Variants in SP140L observed in about 807,000 individuals in gnomAD.
SP140L encodes nuclear body protein SP140-like protein.
A neutral mutation model predicts 84.3 loss-of-function variants in SP140L; 64 were observed. That is an observed-to-expected ratio of 0.76 (90% CI 0.62 to 0.94). The LOEUF (loss-of-function observed/expected upper bound fraction) is 0.94, where lower values mean the gene tolerates loss of function less well. Ranked by LOEUF, SP140L falls within the 40% of genes least tolerant of loss-of-function variation. The pLI, the probability that SP140L is intolerant of heterozygous loss-of-function variation, is 0.00. For missense variants in SP140L, 628 were observed against 692.5 expected (o/e 0.91, Z 1.05); for synonymous variants, 242 against 236.9 (o/e 1.02, Z -0.20).
At chr2:230,348,992 A>G (rs1303200179) in intron 2 of SP140L, among the ~76,000 whole-genome samples, 1 of 152,250 alleles carries the variant, frequency 6.6e-6, no homozygotes, top group African/African-American at 2.4e-5. Flanking sequence ...CACAGGATGC[A>G]TGCTCATGAA....
At position 230,371,533 on chromosome 2, in the gene SP140L, G is replaced by A. The variant is rs983015002; in HGVS notation, c.584-65G>A. 2.3e-5 allele frequency: 31 copies of A among 1,341,620 alleles called. No homozygotes were observed. The African/African-American group carries it at 4.5e-4, about 19-fold the overall frequency. The allele number at this position is 1,341,620 out of a possible 1,614,324, so 83.1% of individuals were successfully genotyped here. A position where few individuals can be genotyped will look rare whatever the true frequency, so the allele number is the denominator to read the frequency against. ...ACTCAAGCCTTCTATAGTATGAATT[G>A]TCCTAAAATCTATAACTTTTATTTA... On this transcript the variant is annotated intron_variant, in intron 6 of 18. Coordinates refer to ENST00000415673, the MANE Select transcript of SP140L (RefSeq NM_138402.6).
chr2:230,386,136 G>A (rs1033252711), intron 9 of SP140L, among the ~76,000 whole-genome samples: 5 of 152,204 alleles, frequency 3.3e-5, no homozygotes, highest in Non-Finnish European at 4.4e-5. Flanking sequence ...TACAACCTGG[G>A]TGTGAGTGAA....
intron 13 of SP140L, among the ~76,000 whole-genome samples, chr2:230,395,237 A>G (rs1355585533): frequency 6.6e-6 from 1 of 152,194 alleles, no homozygotes; most frequent in Non-Finnish European, 1.5e-5. Context: ...ACATATACTT[A>G]TCAAGCATAT....
intron 2 of SP140L, among the ~76,000 whole-genome samples, chr2:230,355,654 A>C (rs1401976059): frequency 6.6e-6 from 1 of 152,218 alleles, no homozygotes; most frequent in South Asian, 2.1e-4. Context: ...ACACAAAATC[A>C]TATCAGCATA....
intron 4 of SP140L, among the ~76,000 whole-genome samples, chr2:230,360,942 T>C (rs1161959539): frequency 6.6e-6 from 1 of 152,146 alleles, no homozygotes; most frequent in African/African-American, 2.4e-5. Context: ...TCTCTTTTAG[T>C]TTTTATTTAG....
At chr2:230,372,528 A>G (rs1467061378) in intron 7 of SP140L, 1 of 152,086 alleles carries the variant, frequency 6.6e-6, no homozygotes, top group Non-Finnish European at 1.5e-5. Flanking sequence ...GATCGAGACC[A>G]TCTTGGCTAA....
chr2:230,397,959 C>T (rs888078994), intron 14 of SP140L, among the ~76,000 whole-genome samples: 8 of 152,128 alleles, frequency 5.3e-5, no homozygotes, highest in Admixed American at 6.6e-5. Flanking sequence ...GGTATGGTCA[C>T]CCCTATTAAT....
chr2:230,400,262 C>A lies in SP140L; in HGVS notation c.1313+20C>A. ...TGAGAAGTAAGTGACATGCAGGCACCTCTCTTTCATCCTTTAAGGGACCTT... is the reference window on the plus strand; with the variant it reads ...TGAGAAGTAAGTGACATGCAGGCACATCTCTTTCATCCTTTAAGGGACCTT... On this transcript the variant is annotated intron_variant, in intron 15 of 18. Transcript: ENST00000415673. The A allele has an allele frequency of 1.2e-6, 2 of 1,611,802 alleles. No homozygotes were observed. Among genetic ancestry groups the A allele is most frequent in the Non-Finnish European group, 1.7e-6 (2 of 1,178,012 alleles).
intron 2 of SP140L, among the ~76,000 whole-genome samples, chr2:230,340,863 T>A (rs1402403631): frequency 6.7e-6 from 1 of 148,408 alleles, no homozygotes; most frequent in Non-Finnish European, 1.5e-5. Context: ...AGAGATCCGC[T>A]GTTAGTCTGA....
At chr2:230,366,079 T>C (rs1304712075) in intron 5 of SP140L, among the ~76,000 whole-genome samples, 1 of 152,182 alleles carries the variant, frequency 6.6e-6, no homozygotes, top group African/African-American at 2.4e-5. Context: ...GTGAGAAGAA[T>C]GTATATTTCA....
chr2:230,351,366 AT>A (rs1349544698), intron 2 of SP140L, among the ~76,000 whole-genome samples: 2 of 152,154 alleles, frequency 1.3e-5, no homozygotes, highest in African/African-American at 4.8e-5. Flanking sequence ...TCATATGTGT[AT>A]TGGACATTTT....
At chr2:230,387,605 C>T (rs370546376) in intron 9 of SP140L, among the ~76,000 whole-genome samples, 20 of 152,250 alleles carry the variant, frequency 1.3e-4, no homozygotes, top group African/African-American at 4.8e-4. Flanking sequence ...CCTACATGAC[C>T]CTGACCAGCA....
intron 2 of SP140L, among the ~76,000 whole-genome samples, chr2:230,329,603 G>T (rs563901341): frequency 1.3e-5 from 2 of 152,298 alleles, no homozygotes; most frequent in African/African-American, 4.8e-5. Context: ...AGATCTGATG[G>T]TTTTGTAAAT....
intron 4 of SP140L, 75 bp downstream of exon 4, chr2:230,359,207 C>A: frequency 3.1e-6 from 4 of 1,292,794 alleles, no homozygotes; most frequent in Non-Finnish European, 4.4e-6. Flanking sequence ...GAGCTCCTAC[C>A]ATGTGCGATA....
chr2:230,349,011 T>A (rs1484652467), intron 2 of SP140L, among the ~76,000 whole-genome samples: 1 of 152,256 alleles, frequency 6.6e-6, no homozygotes, highest in Non-Finnish European at 1.5e-5. Context: ...AAGCCAGCCC[T>A]GCTCTTACAT....
intron 4 of SP140L, among the ~76,000 whole-genome samples, chr2:230,359,717 T>C (rs2060654921): frequency 6.6e-6 from 1 of 152,226 alleles, no homozygotes; most frequent in Admixed American, 6.5e-5. Flanking sequence ...TCATGGGTCA[T>C]TTCTAAGCCC....
chr2:230,374,952 A>G (rs1315462662), intron 7 of SP140L, among the ~76,000 whole-genome samples: 2 of 152,208 alleles, frequency 1.3e-5, no homozygotes, highest in African/African-American at 2.4e-5. Context: ...CAAACGTGCA[A>G]TATTTCTAAG....
intron 1 of SP140L, among the ~76,000 whole-genome samples, chr2:230,327,838 C>A (rs1193635661): frequency 6.6e-6 from 1 of 152,126 alleles, no homozygotes; most frequent in African/African-American, 2.4e-5. Context: ...AGCTTTGGGG[C>A]TATTTCCTTG....
At chr2:230,342,985 C>CT (rs986570196) in intron 2 of SP140L, among the ~76,000 whole-genome samples, 14 of 152,090 alleles carry the variant, frequency 9.2e-5, no homozygotes, top group African/African-American at 3.4e-4. Context: ...GGAGATTTTT[C>CT]TTTTTTCCAA....
Sources: allele counts gnomAD v4.1 joint callset (sites outside exome capture counted in the v4.1 genomes callset), GRCh38; gene constraint gnomAD v4.1.1; transcripts MANE v1.5; gene names NCBI Gene and HGNC (gene_info 2026-07-23, HGNC 2026-07-21).